Variants in RMDN2 observed in about 807,000 individuals in gnomAD.
The protein encoded by RMDN2 is regulator of microtubule dynamics 2, also known as regulator of microtubule dynamics protein 2.
A neutral mutation model predicts 52.8 loss-of-function variants in RMDN2; 61 were observed. The ratio of observed to expected loss-of-function variants is 1.16; its 90% CI spans 0.94 to 1.43. RMDN2 has a LOEUF of 1.43. Among genes scored for constraint, RMDN2 ranks in the 40% most tolerant of loss-of-function variants. The pLI, the probability that RMDN2 is intolerant of heterozygous loss-of-function variation, is 0.00. For synonymous variants in RMDN2, 180 were observed against 153.1 expected (o/e 1.18, Z -1.30); for missense variants, 592 against 475.3 (o/e 1.25, Z -2.28).
chr2:37,950,377 G>A, intron 2 of RMDN2: 1 of 1,447,710 alleles, frequency 6.9e-7, no homozygotes, highest in Non-Finnish European at 9.5e-7. Context: ...AGAAAGGTGA[G>A]CTACAGAACA....
intron 2 of RMDN2, among the ~76,000 whole-genome samples, chr2:37,960,792 C>T (rs1024037743): frequency 1.3e-5 from 2 of 152,122 alleles, no homozygotes; most frequent in Admixed American, 1.3e-4. Flanking sequence ...TGACATTGGT[C>T]TGTGTATTTT....
chr2:37,952,074 T>C, intron 2 of RMDN2: 1 of 1,613,224 alleles, frequency 6.2e-7, no homozygotes, highest in Non-Finnish European at 8.5e-7. Context: ...TTCTTCATCT[T>C]ATAAAAATTC....
At chr2:37,959,230 C>G (rs1245446791) in intron 2 of RMDN2, among the ~76,000 whole-genome samples, 1 of 150,998 alleles carries the variant, frequency 6.6e-6, no homozygotes, top group African/African-American at 2.5e-5. Flanking sequence ...AGGAATGGTA[C>G]CAGCTCCTCT....
chr2:38,041,165 G>A (rs1680924490), intron 10 of RMDN2, among the ~76,000 whole-genome samples: 1 of 152,134 alleles, frequency 6.6e-6, no homozygotes, highest in African/African-American at 2.4e-5. Context: ...GACTCGGGAT[G>A]TCAAGGATCA....
In RMDN2 at chr2:37,929,664, A is replaced by G. The variant is rs751562521; in HGVS notation, c.387A>G (p.Arg129=). 6.5e-7 allele frequency: 1 copy of G among 1,540,286 alleles called. No homozygotes were observed. Among genetic ancestry groups the G allele is most frequent in the South Asian group, 1.2e-5 (1 of 80,376 alleles). The change falls in exon 2 of 11, where the codon AGA becomes AGG. Residue 129 remains arginine (R), a synonymous_variant. Coordinates refer to ENST00000354545, the MANE Select transcript of RMDN2 (RefSeq NM_001170791.3). ...KISPQHRARK[R]RLPTIQSSAT... ...GCCCTCAGCACAGAGCGAGAAAAAG[A>G]AGACTCCCCACAATTCAAAGTTCAG...
intron 6 of RMDN2, among the ~76,000 whole-genome samples, chr2:37,990,792 T>A (rs1045948120): frequency 6.6e-6 from 1 of 152,094 alleles, no homozygotes; most frequent in Non-Finnish European, 1.5e-5. Flanking sequence ...ATTTTCCAGC[T>A]CCCTATAACC....
At chr2:37,989,498 T>A (rs1338046974) in intron 5 of RMDN2, 43 bp from the exon 6 acceptor site, 1 of 1,331,068 alleles carries the variant, frequency 7.5e-7, no homozygotes, top group Non-Finnish European at 1.1e-6. Context: ...TGTTAAAAAT[T>A]TACACAGTGG....
At chr2:38,066,085 C>G (rs1165510953) in intron 10 of RMDN2, among the ~76,000 whole-genome samples, 2 of 152,178 alleles carry the variant, frequency 1.3e-5, no homozygotes, top group Non-Finnish European at 2.9e-5. Flanking sequence ...ATTAGTTCAT[C>G]TCCAGGGAAA....
rs375376144 is a variant in RMDN2 at position 38,003,992 on chromosome 2, C to G, written c.1046C>G (p.Ala349Gly). 1 of 1,610,800 alleles carries G rather than the reference C, an allele frequency of 6.2e-7. No homozygotes were observed. Among genetic ancestry groups the G allele is most frequent in the African/African-American group, 1.3e-5 (1 of 74,870 alleles). Residue 349 changes from alanine (A) to glycine (G), a missense_variant and splice_region_variant, in exon 9 of 11, where the codon GCT becomes GGT. Transcript: ENST00000354545. Reference sequence around the variant, plus strand: ...TCTCATGTTTTTCTCTCAAATCAGGCTGAAGAACTATGCCCTGGTTATTCT... The same window carrying G: ...TCTCATGTTTTTCTCTCAAATCAGGGTGAAGAACTATGCCCTGGTTATTCT... ...VQEALHNFLK[A>G]EELCPGYSNP...
intron 2 of RMDN2, among the ~76,000 whole-genome samples, chr2:37,940,851 G>A (rs561389039): frequency 6.6e-6 from 1 of 152,182 alleles, no homozygotes; most frequent in East Asian, 1.9e-4. Flanking sequence ...CCTTTAGCTC[G>A]AAGGAGTTTG....
intron 2 of RMDN2, chr2:37,951,179 T>C (rs545285219): frequency 2.6e-5 from 38 of 1,488,244 alleles, no homozygotes; most frequent in Non-Finnish European, 3.3e-5. Context: ...GCTTGGCAGG[T>C]CTCCACTCTG....
intron 2 of RMDN2, chr2:37,951,240 A>T: frequency 6.3e-7 from 1 of 1,582,200 alleles, no homozygotes; most frequent in Non-Finnish European, 8.6e-7. Context: ...TAGCTGCTGC[A>T]AAGAGGACCA....
chr2:38,056,599 C>T (rs1369647036), intron 10 of RMDN2, among the ~76,000 whole-genome samples: 2 of 152,176 alleles, frequency 1.3e-5, no homozygotes, highest in Admixed American at 6.5e-5. Context: ...ATTTACTGTG[C>T]TCAGCATGTA....
At chr2:38,034,010 C>T (rs765485518) in intron 10 of RMDN2, among the ~76,000 whole-genome samples, 8 of 152,212 alleles carry the variant, frequency 5.3e-5, no homozygotes, top group Non-Finnish European at 1.0e-4. Flanking sequence ...CGTTTATCCC[C>T]CCAGCTAGCT....
At chr2:37,950,537 C>G (rs908796485) in intron 2 of RMDN2, 7 of 1,612,738 alleles carry the variant, frequency 4.3e-6, no homozygotes, top group Non-Finnish European at 4.2e-6. Context: ...AGGATGACGG[C>G]CTAGAAGGGA....
At chr2:37,970,212 G>A (rs1671612435) in intron 2 of RMDN2, among the ~76,000 whole-genome samples, 1 of 152,076 alleles carries the variant, frequency 6.6e-6, no homozygotes, top group African/African-American at 2.4e-5. Flanking sequence ...TACCGCACCT[G>A]GCTGCCTTCT....
At chr2:37,995,978 G>A (rs978904279) in intron 7 of RMDN2, among the ~76,000 whole-genome samples, 6 of 152,158 alleles carry the variant, frequency 3.9e-5, no homozygotes, top group African/African-American at 1.2e-4. Flanking sequence ...AAATCAGCGC[G>A]ACTACCTTGG....
At chr2:37,928,687 T>A (rs1666479145) in intron 1 of RMDN2, 1 of 152,334 alleles carries the variant, frequency 6.6e-6, no homozygotes, top group Non-Finnish European at 1.5e-5. Context: ...AAAGGTCAAC[T>A]CCTGTGCTTG....
rs541459630 is a variant in RMDN2 at position 37,975,980 on chromosome 2, A to C, written c.730+666A>C. Among the ~76,000 whole-genome samples, 3 of 152,354 alleles carry C rather than the reference A, an allele frequency of 2.0e-5. No homozygotes were observed. In the East Asian group the frequency reaches 5.8e-4, roughly 29 times the overall value. On this transcript the variant is annotated intron_variant, in intron 4 of 10. Transcript: ENST00000354545. Reference sequence around the variant, plus strand: ...TTTGAGAAACAATAACAGGCAGAGGACAAGTGTCTTCAGCAGTTGTCAACC... The same window carrying C: ...TTTGAGAAACAATAACAGGCAGAGGCCAAGTGTCTTCAGCAGTTGTCAACC...
Sources: gnomAD v4.1 joint callset for allele counts (sites outside exome capture counted in the v4.1 genomes callset) on GRCh38, gnomAD v4.1.1 for gene constraint, MANE v1.5 for transcripts, NCBI Gene and HGNC (gene_info 2026-07-23, HGNC 2026-07-21) for gene names.